The following PHTF2 variants were observed in gnomAD, a reference collection of about 807,000 sequenced individuals.
PHTF2 encodes the protein protein PHTF2.
PHTF2 carries 60 observed loss-of-function variants against 101.2 expected under a neutral mutation model. The ratio of observed to expected loss-of-function variants is 0.59; its 90% CI spans 0.48 to 0.73. The LOEUF (loss-of-function observed/expected upper bound fraction) is 0.73, where lower values mean the gene tolerates loss of function less well. Among genes scored for constraint, PHTF2 ranks in the 30% least tolerant of loss-of-function variants. The pLI, the probability that PHTF2 is intolerant of heterozygous loss-of-function variation, is 0.00. For synonymous variants in PHTF2, 311 were observed against 307.3 expected, an observed-to-expected ratio of 1.01 and a Z score of -0.13; for missense variants, 747 against 908.7, an observed-to-expected ratio of 0.82 and a Z score of 2.29.
chr7:77,872,753 C>T (rs1269516074), intron 3 of PHTF2, among the ~76,000 whole-genome samples: 1 of 152,092 alleles, frequency 6.6e-6, no homozygotes, highest in African/African-American at 2.4e-5. Context: ...TCTTCTGGAC[C>T]CTTCTAGCTG....
intron 3 of PHTF2, among the ~76,000 whole-genome samples, chr7:77,860,504 T>TG (rs762888103): frequency 9.2e-5 from 14 of 152,208 alleles, no homozygotes; most frequent in Non-Finnish European, 1.5e-4. Context: ...TCCTAAGCCT[T>TG]GGTTTCTTTA....
chr7:77,804,237 T>G (rs1490930370), intron 1 of PHTF2, among the ~76,000 whole-genome samples: 1 of 152,248 alleles, frequency 6.6e-6, no homozygotes, highest in Non-Finnish European at 1.5e-5. Context: ...GCTGAATGTA[T>G]GAATATATCA....
At chr7:77,820,283 G>A (rs564119589) in intron 1 of PHTF2, among the ~76,000 whole-genome samples, 7 of 152,102 alleles carry the variant, frequency 4.6e-5, no homozygotes, top group Non-Finnish European at 7.4e-5. Context: ...TAGGTGTTAC[G>A]TGTCCAGGAA....
chr7:77,799,270 C>G (rs1008287969), intron 1 of PHTF2, among the ~76,000 whole-genome samples: 2 of 152,160 alleles, frequency 1.3e-5, no homozygotes, highest in Non-Finnish European at 1.5e-5. Flanking sequence ...AAGCCCAGCG[C>G]GCCACCCGCC....
At chr7:77,842,768 A>G (rs1460687715) in intron 2 of PHTF2, among the ~76,000 whole-genome samples, 1 of 152,170 alleles carries the variant, frequency 6.6e-6, no homozygotes, top group Non-Finnish European at 1.5e-5. Flanking sequence ...CTAAACTAGG[A>G]TTGGATTGAC....
intron 1 of PHTF2, among the ~76,000 whole-genome samples, chr7:77,838,123 G>T (rs1314286298): frequency 1.3e-5 from 2 of 152,192 alleles, no homozygotes; most frequent in African/African-American, 4.8e-5. Context: ...CAAATACAAT[G>T]AAGGTGTAGT....
chr7:77,937,711 G>A, exon 13 of PHTF2: 2 of 1,228,612 alleles, frequency 1.6e-6, no homozygotes, highest in Non-Finnish European at 1.1e-6. Context: ...TTTTTATAGA[G>A]TCATTTGCCC....
rs571739288 is a variant in PHTF2, at chr7:77,955,239, C to T, written c.*361C>T. 446 of 158,274 alleles carry T rather than the reference C, an allele frequency of 2.8e-3. 3 individuals are homozygous for T. Among genetic ancestry groups the T allele is most frequent in the African/African-American group, 9.8e-3 (408 of 41,812 alleles). The allele number at this position is 158,274 out of a possible 1,614,324, so 9.8% of individuals were successfully genotyped here. ...TTCTCCATCAATGCCGTGAACTTGCCTTACTTGAGGAAAAATTCTTTAACT... is the reference window on the plus strand; with the variant it reads ...TTCTCCATCAATGCCGTGAACTTGCTTTACTTGAGGAAAAATTCTTTAACT... On this transcript the variant is annotated 3_prime_UTR_variant, in exon 20 of 20. Coordinates refer to ENST00000416283, the Ensembl canonical transcript of PHTF2.
intron 6 of PHTF2, 98 bp downstream of exon 5, chr7:77,900,878 T>C: frequency 1.5e-6 from 1 of 684,214 alleles, no homozygotes; most frequent in South Asian, 1.6e-5. Flanking sequence ...TGTTTTGCAT[T>C]GCTATAAAGA....
chr7:77,846,538 C>T (rs988712569), intron 2 of PHTF2, among the ~76,000 whole-genome samples: 3 of 135,786 alleles, frequency 2.2e-5, no homozygotes, highest in African/African-American at 8.9e-5. Flanking sequence ...AATTAGTTTC[C>T]CTTCCCTTCC....
chr7:77,809,546 A>G (rs1793268393), intron 1 of PHTF2, among the ~76,000 whole-genome samples: 1 of 152,054 alleles, frequency 6.6e-6, no homozygotes, highest in African/African-American at 2.4e-5. Context: ...ATTCTTATTG[A>G]CAACAAAACT....
intron 9 of PHTF2, among the ~76,000 whole-genome samples, chr7:77,910,738 T>A (rs1802310943): frequency 6.6e-6 from 1 of 152,064 alleles, no homozygotes; most frequent in Admixed American, 6.6e-5. Flanking sequence ...ACCTTCTGGG[T>A]TCAAGTGATT....
chr7:77,944,407 G>T (rs893186262), intron 16 of PHTF2, among the ~76,000 whole-genome samples: 1 of 152,156 alleles, frequency 6.6e-6, no homozygotes, highest in Non-Finnish European at 1.5e-5. Context: ...TGACAAGGAC[G>T]GGGGAAAAGT....
chr7:77,833,844 T>A (rs1168780612), intron 1 of PHTF2, among the ~76,000 whole-genome samples: 1 of 152,116 alleles, frequency 6.6e-6, no homozygotes, highest in Non-Finnish European at 1.5e-5. Flanking sequence ...TTAAATAAGA[T>A]ATTTTTTATT....
exon 8 of PHTF2, chr7:77,908,803 A>G (rs763870384): frequency 1.3e-6 from 2 of 1,580,220 alleles, no homozygotes. Context: ...TTGCTGCAAT[A>G]GTATTATTCT....
chr7:77,853,639 C>G (rs1263569973), intron 2 of PHTF2, among the ~76,000 whole-genome samples: 4 of 152,114 alleles, frequency 2.6e-5, no homozygotes, highest in African/African-American at 9.7e-5. Flanking sequence ...AGCAATTCGC[C>G]TACCTCGGCC....
At position 77,901,752 on chromosome 7, in the gene PHTF2, C is replaced by A; in HGVS notation, c.287-10C>A. 2 of 1,456,128 alleles carry A rather than the reference C, an allele frequency of 1.4e-6. No individual in the cohort carries two copies. Among genetic ancestry groups the A allele is most frequent in the South Asian group, 1.5e-5 (1 of 64,710 alleles). 90.2% of individuals were successfully genotyped at this position (1,456,128 alleles called of 1,614,324 possible). On this transcript the variant is annotated splice_polypyrimidine_tract_variant and intron_variant, in intron 6 of 19. Coordinates refer to ENST00000416283, the Ensembl canonical transcript of PHTF2. ...AAATATACTCTGTTGTCCTATTTTA[C>A]TTTTTTCAGGGTCTGCATTTGCAAA... is the stretch of plus-strand genomic sequence containing the variant.
At chr7:77,877,348 C>A (rs192294620) in intron 3 of PHTF2, among the ~76,000 whole-genome samples, 1 of 152,050 alleles carries the variant, frequency 6.6e-6, no homozygotes, top group African/African-American at 2.4e-5. Flanking sequence ...TCATGATCCC[C>A]GCTCTCGGCC....
intron 1 of PHTF2, among the ~76,000 whole-genome samples, chr7:77,833,204 T>C (rs1795200568): frequency 6.6e-6 from 1 of 152,214 alleles, no homozygotes; most frequent in African/African-American, 2.4e-5. Context: ...ATTTTGGAAG[T>C]CTTGTCAAAA....
Sources: gnomAD v4.1 joint callset for allele counts (sites outside exome capture counted in the v4.1 genomes callset) on GRCh38, gnomAD v4.1.1 for gene constraint, MANE v1.5 for transcripts, NCBI Gene and HGNC (gene_info 2026-07-23, HGNC 2026-07-21) for gene names.